Variants in JMJD1C observed in about 807,000 individuals in gnomAD.
JMJD1C encodes jumonji domain-containing protein 1C.
In JMJD1C, 31 loss-of-function variants were observed where a neutral mutation model predicts 245.3. The observed-to-expected ratio is 0.13, with a 90% CI of 0.09 to 0.17. The LOEUF (loss-of-function observed/expected upper bound fraction) is 0.17, where lower values mean the gene tolerates loss of function less well. Ranked by LOEUF, JMJD1C falls within the 10% of genes least tolerant of loss-of-function variation. The pLI, the probability that JMJD1C is intolerant of heterozygous loss-of-function variation, is 1.00. For missense variants in JMJD1C, 2,691 were observed against 3,000.2 expected (o/e 0.90, Z 2.41); for synonymous variants, 1,057 against 1,017.4 (o/e 1.04, Z -0.74).
intron 8 of JMJD1C, among the ~76,000 whole-genome samples, chr10:63,212,651 G>A (rs1014812181): frequency 2.0e-5 from 3 of 152,042 alleles, no homozygotes; most frequent in African/African-American, 7.2e-5. Flanking sequence ...AAGGGAACAA[G>A]GGGGTTAAAT....
chr10:63,266,969 G>GA (rs1034197872), intron 2 of JMJD1C, among the ~76,000 whole-genome samples: 3 of 152,082 alleles, frequency 2.0e-5, no homozygotes, highest in South Asian at 2.1e-4. Context: ...AAGTTAATTT[G>GA]AAAAAAGGAT....
intron 2 of JMJD1C, among the ~76,000 whole-genome samples, chr10:63,315,369 T>C (rs1939848173): frequency 6.6e-6 from 1 of 152,134 alleles, no homozygotes; most frequent in Admixed American, 6.6e-5. Context: ...ACATGCAGTA[T>C]TTGGTTCTCT....
rs199703728 is a variant in JMJD1C at position 63,200,648 on chromosome 10, A to T, written c.5104T>A (p.Trp1702Arg). Residue 1702 changes from tryptophan (W) to arginine (R), a missense_variant, in exon 11 of 26, where the codon TGG (tryptophan) becomes AGG (arginine). Trp to Arg is a moderately radical substitution (Grantham distance 101). Transcript: ENST00000399262. ...TGIPRSVLKD[W>R]RKVKKLKQTG... ...TGCTTCAGCTTCTTGACTTTACGCC[A>T]ATCTTTCAATACTGAACGAGGAATG... is the stretch of plus-strand genomic sequence containing the variant. The T allele has an allele frequency of 6.2e-7, 1 of 1,614,048 alleles. No homozygotes were observed. The highest frequency in any genetic ancestry group is 1.1e-5 in the South Asian group (1 of 91,084).
At chr10:63,222,690 C>A (rs965669018) in intron 3 of JMJD1C, 23 of 1,540,206 alleles carry the variant, frequency 1.5e-5, no homozygotes, top group Non-Finnish European at 2.1e-5. Flanking sequence ...TTTGATGGTA[C>A]CAAAGAAGCA....
At chr10:63,469,767 T>C (rs1250800672), upstream of JMJD1C, among the ~76,000 whole-genome samples, 1 of 152,202 alleles carries the variant, frequency 6.6e-6, no homozygotes, top group East Asian at 1.9e-4. Flanking sequence ...ACTGCGTTTA[T>C]GAAGTCTTAG....
At chr10:63,516,717 G>C (rs899816891) in intron 1 of JMJD1C, among the ~76,000 whole-genome samples, 8 of 152,160 alleles carry the variant, frequency 5.3e-5, no homozygotes, top group African/African-American at 1.9e-4. Context: ...TTCTTACTGT[G>C]TGTGCTTCCC....
Position 63,207,303 on chromosome 10 carries a change from C to T in JMJD1C, c.4366G>A (p.Val1456Ile), listed in dbSNP as rs781772333. Residue 1456 changes from valine (V) to isoleucine (I), a missense_variant, in exon 10 of 26, where the codon GTT becomes ATT. Coordinates refer to ENST00000399262, the MANE Select transcript of JMJD1C (RefSeq NM_032776.3). Reference protein sequence around the residue: ...QECKVSTTAPVTLASSKTGSV... With the variant: ...QECKVSTTAPITLASSKTGSV... ...CCTGTCTTACTACTGGCTAATGTAA[C>T]TGGTGCTGTGGTGCTGACCTTGCAT... 1.9e-6 allele frequency: 3 copies of T among 1,613,688 alleles called. No individual in the cohort carries two copies. The highest frequency in any genetic ancestry group is 2.5e-6 in the Non-Finnish European group (3 of 1,180,030).
chr10:63,255,173 G>A (rs559563131), intron 3 of JMJD1C, among the ~76,000 whole-genome samples: 1 of 152,234 alleles, frequency 6.6e-6, no homozygotes, highest in African/African-American at 2.4e-5. Context: ...ATCACAAGCT[G>A]TGTGAACCTA....
chr10:63,290,650 C>T (rs1033756783), intron 2 of JMJD1C, among the ~76,000 whole-genome samples: 1 of 152,088 alleles, frequency 6.6e-6, no homozygotes, highest in Non-Finnish European at 1.5e-5. Context: ...ACAAAATAAT[C>T]CAATAGGACT....
At chr10:63,449,924 G>A (rs929548478) in intron 1 of JMJD1C, among the ~76,000 whole-genome samples, 7 of 151,970 alleles carry the variant, frequency 4.6e-5, no homozygotes, top group African/African-American at 1.5e-4. Flanking sequence ...ACCAGCCTGG[G>A]CAACAAAGGG....
intron 22 of JMJD1C, among the ~76,000 whole-genome samples, chr10:63,180,148 C>T (rs1345258784): frequency 6.6e-6 from 1 of 152,150 alleles, no homozygotes; most frequent in Non-Finnish European, 1.5e-5. Context: ...GCTGGGACTA[C>T]AGGCACCCGC....
At chr10:63,204,971 T>C (rs757321685) in intron 10 of JMJD1C, 35 of 984,994 alleles carry the variant, frequency 3.6e-5, no homozygotes, top group Non-Finnish European at 4.2e-5. Flanking sequence ...ATTTCATATA[T>C]TGTATGTGGA....
chr10:63,414,323 T>C (rs1325547777), intron 1 of JMJD1C, among the ~76,000 whole-genome samples: 1 of 152,176 alleles, frequency 6.6e-6, no homozygotes, highest in African/African-American at 2.4e-5. Flanking sequence ...CTAAGAAAAC[T>C]GAATCTACTA....
At chr10:63,204,033 T>C (rs1230848244) in intron 10 of JMJD1C, 2 of 960,174 alleles carry the variant, frequency 2.1e-6, no homozygotes, top group Admixed American at 6.2e-5. Context: ...GAGGATTGCC[T>C]GAGCCCAGGA....
intron 3 of JMJD1C, among the ~76,000 whole-genome samples, chr10:63,256,115 G>C (rs1237231775): frequency 1.3e-5 from 2 of 152,130 alleles, no homozygotes; most frequent in African/African-American, 2.4e-5. Flanking sequence ...TATGATCACA[G>C]CAGATTTGGG....
intron 2 of JMJD1C, among the ~76,000 whole-genome samples, chr10:63,347,350 G>A (rs187697559): frequency 6.6e-5 from 10 of 152,042 alleles, no homozygotes; most frequent in Admixed American, 1.3e-4. Flanking sequence ...TTGGGAGGCC[G>A]ACGCGGGTGG....
At chr10:63,200,245 G>C (rs539732039) in intron 11 of JMJD1C, among the ~76,000 whole-genome samples, 6 of 152,204 alleles carry the variant, frequency 3.9e-5, no homozygotes, top group African/African-American at 1.4e-4. Flanking sequence ...AAATCTCTCA[G>C]AACAGAAAGG....
At chr10:63,439,295 T>C (rs1286597278) in intron 1 of JMJD1C, among the ~76,000 whole-genome samples, 2 of 152,228 alleles carry the variant, frequency 1.3e-5, no homozygotes, top group African/African-American at 4.8e-5. Context: ...TTGTGTAATG[T>C]TCTGTTCCTG....
At chr10:63,284,888 CACACACACACACACACACAT>C (rs1282495799) in intron 2 of JMJD1C, among the ~76,000 whole-genome samples, 1 of 139,132 alleles carries the variant, frequency 7.2e-6, no homozygotes, top group East Asian at 2.6e-4. Context: ...CACACACACA[CACACACACACACACACACAT>C]TCTCTCTACT....
Sources: gnomAD v4.1 joint callset for allele counts (sites outside exome capture counted in the v4.1 genomes callset) on GRCh38, gnomAD v4.1.1 for gene constraint, MANE v1.5 for transcripts, NCBI Gene and HGNC (gene_info 2026-07-23, HGNC 2026-07-21) for gene names.